Variants in HSPBAP1 observed in about 807,000 individuals in gnomAD.
HSPBAP1 encodes HSPB1 associated protein 1.
Under a neutral mutation model 45.2 loss-of-function variants are expected in HSPBAP1, and 27 were observed. The observed-to-expected ratio is 0.60, with a 90% confidence interval of 0.44 to 0.82. The LOEUF is 0.82. Ranked by LOEUF, HSPBAP1 falls within the 40% of genes least tolerant of loss-of-function variation. The pLI is 0.00. For missense variants in HSPBAP1, 510 were observed against 590.9 expected (o/e 0.86, Z 1.42); for synonymous variants, 204 against 202.7 (o/e 1.01, Z -0.06).
At chr3:122,761,814 CA>C (rs1934601748) in intron 3 of HSPBAP1, 5 of 143,704 alleles carry the variant, frequency 3.5e-5, no homozygotes, top group Admixed American at 3.5e-4. Flanking sequence ...AAAAAAAAAG[CA>C]AAATTGTCAG....
intron 1 of HSPBAP1, among the ~76,000 whole-genome samples, chr3:122,789,097 T>C (rs1023125014): frequency 2.6e-5 from 4 of 152,244 alleles, no homozygotes; most frequent in African/African-American, 4.8e-5. Flanking sequence ...CTTTTGCTTT[T>C]CTTTAAACTC....
At chr3:122,767,543 G>A (rs1490816784) in intron 3 of HSPBAP1, among the ~76,000 whole-genome samples, 1 of 152,076 alleles carries the variant, frequency 6.6e-6, no homozygotes, top group Non-Finnish European at 1.5e-5. Context: ...GGGTGACAGA[G>A]TGAGACTCCA....
At chr3:122,763,714 C>G (rs1289506251) in intron 3 of HSPBAP1, among the ~76,000 whole-genome samples, 2 of 152,152 alleles carry the variant, frequency 1.3e-5, no homozygotes, top group African/African-American at 4.8e-5. Flanking sequence ...TTTTTCTGTT[C>G]TGACTCCTCC....
In HSPBAP1 at chr3:122,755,313, A is replaced by G. The variant is rs931787097; in HGVS notation, c.688T>C (p.Phe230Leu). Reference protein sequence around the residue: ...INVVNPDLKRFPQFRKAQRHA... With the variant: ...INVVNPDLKRLPQFRKAQRHA... ...CTTTGAGCTTTCCGGAACTGAGGAA[A>G]ACGCTTTAAATCAGGATTGACAACA... Residue 230 changes from phenylalanine to leucine, a missense_variant, in exon 5 of 8, where the codon TTT becomes CTT. Physicochemically the swap from Phe to Leu is conservative, Grantham distance 22. Transcript: ENST00000306103. The G allele has an allele frequency of 5.6e-6, 9 of 1,605,134 alleles. No homozygotes were observed. Among genetic ancestry groups the G allele is most frequent in the African/African-American group, 1.3e-5 (1 of 74,100 alleles).
At chr3:122,756,495 G>A (rs551524179) in intron 4 of HSPBAP1, among the ~76,000 whole-genome samples, 39 of 152,024 alleles carry the variant, frequency 2.6e-4, no homozygotes, top group African/African-American at 8.4e-4. Context: ...GAACAACCTC[G>A]GAGCCTGGGA....
At chr3:122,745,580 G>GTA (rs1421122223) in intron 6 of HSPBAP1, among the ~76,000 whole-genome samples, 6 of 152,166 alleles carry the variant, frequency 3.9e-5, no homozygotes, top group Non-Finnish European at 8.8e-5. Context: ...ACTCCACACA[G>GTA]TATACATCAC....
intron 2 of HSPBAP1, among the ~76,000 whole-genome samples, chr3:122,773,923 G>A (rs1935097704): frequency 6.6e-6 from 1 of 152,358 alleles, no homozygotes; most frequent in East Asian, 1.9e-4. Context: ...ACAGGCATGA[G>A]CTACCATGGC....
intron 6 of HSPBAP1, among the ~76,000 whole-genome samples, chr3:122,751,553 G>A (rs1934136410): frequency 6.6e-6 from 1 of 152,152 alleles, no homozygotes; most frequent in Admixed American, 6.5e-5. Flanking sequence ...AAAACTTGGA[G>A]GTATTTTCAA....
At chr3:122,762,770 A>C (rs1934644367) in intron 3 of HSPBAP1, among the ~76,000 whole-genome samples, 1 of 152,260 alleles carries the variant, frequency 6.6e-6, no homozygotes, top group African/African-American at 2.4e-5. Context: ...AATTATTGAA[A>C]CTTGTTTTAT....
At chr3:122,751,259 A>G (rs1434211045) in intron 6 of HSPBAP1, among the ~76,000 whole-genome samples, 1 of 152,200 alleles carries the variant, frequency 6.6e-6, no homozygotes, top group Non-Finnish European at 1.5e-5. Flanking sequence ...CACTTCCCAT[A>G]TGCCACGCAC....
intron 1 of HSPBAP1, among the ~76,000 whole-genome samples, chr3:122,780,387 C>G (rs1362486485): frequency 7.9e-6 from 1 of 125,994 alleles, no homozygotes; most frequent in Non-Finnish European, 1.7e-5. Context: ...GGGGGCTGAC[C>G]CCCCACCTCC....
intron 1 of HSPBAP1, among the ~76,000 whole-genome samples, chr3:122,781,448 G>A (rs150738112): frequency 0.066 from 9,822 of 149,302 alleles, 387 homozygotes; most frequent in Non-Finnish European, 0.097. Context: ...GCAGGCACTC[G>A]GCAGGCTGAG....
chr3:122,761,315 C>G (rs1934573867), intron 3 of HSPBAP1, among the ~76,000 whole-genome samples: 1 of 152,116 alleles, frequency 6.6e-6, no homozygotes, highest in African/African-American at 2.4e-5. Flanking sequence ...TTTATATATA[C>G]TTTCAAAGAG....
chr3:122,779,886 A>G (rs2107533921), intron 1 of HSPBAP1, among the ~76,000 whole-genome samples: 1 of 152,148 alleles, frequency 6.6e-6, no homozygotes, highest in Non-Finnish European at 1.5e-5. Context: ...GAACAAAATG[A>G]AAAGTCTCCC....
chr3:122,788,417 C>T (rs141049807), intron 1 of HSPBAP1, among the ~76,000 whole-genome samples: 144 of 152,112 alleles, frequency 9.5e-4, no homozygotes, highest in South Asian at 2.1e-3. Context: ...AGTGAATTTT[C>T]GATAATTTAA....
intron 3 of HSPBAP1, among the ~76,000 whole-genome samples, chr3:122,764,053 C>T (rs375098766): frequency 1.4e-3 from 218 of 152,360 alleles, no homozygotes; most frequent in African/African-American, 5.0e-3. Flanking sequence ...TCCCCATATC[C>T]ATCTGTCCCT....
At chr3:122,765,166 A>C (rs1449353924) in intron 3 of HSPBAP1, among the ~76,000 whole-genome samples, 1 of 152,226 alleles carries the variant, frequency 6.6e-6, no homozygotes, top group Non-Finnish European at 1.5e-5. Flanking sequence ...TCTAAGGAAA[A>C]AAAGACTCAG....
chr3:122,785,989 C>T (rs932267516), intron 1 of HSPBAP1, among the ~76,000 whole-genome samples: 3 of 152,088 alleles, frequency 2.0e-5, no homozygotes, highest in Non-Finnish European at 4.4e-5. Flanking sequence ...GCCTGAAAAG[C>T]AGACATGATG....
At chr3:122,791,930 T>C (rs1430092261) in intron 1 of HSPBAP1, among the ~76,000 whole-genome samples, 1 of 152,038 alleles carries the variant, frequency 6.6e-6, no homozygotes, top group African/African-American at 2.4e-5. Context: ...GGGCACAGAA[T>C]AGAAAACAGA....
Sources: allele counts gnomAD v4.1 joint callset (sites outside exome capture counted in the v4.1 genomes callset), GRCh38; gene constraint gnomAD v4.1.1; transcripts MANE v1.5; gene names NCBI Gene and HGNC (gene_info 2026-07-23, HGNC 2026-07-21).